DIP2A: variants seen among roughly 807,000 people sequenced by gnomAD.
DIP2A encodes DIP2 acetate--CoA ligase A.
In DIP2A, 85 loss-of-function variants were observed where a neutral mutation model predicts 177.4. The ratio of observed to expected loss-of-function variants is 0.48; its 90% confidence interval spans 0.40 to 0.57. The LOEUF (loss-of-function observed/expected upper bound fraction) is 0.57. Ranked by LOEUF, DIP2A falls within the 20% of genes least tolerant of loss-of-function variation. The pLI is 0.00. For missense variants in DIP2A, 1,791 were observed against 2,100.2 expected (o/e 0.85, Z 2.88); for synonymous variants, 886 against 881.8 (o/e 1.00, Z -0.08).
chr21:46,470,640 G>A (rs189590379), intron 1 of DIP2A, among the ~76,000 whole-genome samples: 22 of 151,178 alleles, frequency 1.5e-4, no homozygotes, highest in African/African-American at 4.6e-4. Flanking sequence ...GTGTGGTGGC[G>A]CATGCCTGTA....
intron 1 of DIP2A, among the ~76,000 whole-genome samples, chr21:46,479,944 G>T (rs180914252): frequency 6.6e-6 from 1 of 152,088 alleles, no homozygotes; most frequent in African/African-American, 2.4e-5. Flanking sequence ...AAATCTCTAC[G>T]TGCTTATATT....
intron 1 of DIP2A, among the ~76,000 whole-genome samples, chr21:46,471,906 G>A (rs1183286925): frequency 6.6e-6 from 1 of 152,152 alleles, no homozygotes; most frequent in Non-Finnish European, 1.5e-5. Flanking sequence ...CATAATTTAA[G>A]AGTACCATTT....
chr21:46,535,828 G>T (rs899073764), intron 13 of DIP2A, among the ~76,000 whole-genome samples: 1 of 152,182 alleles, frequency 6.6e-6, no homozygotes, highest in Non-Finnish European at 1.5e-5. Context: ...TATAGTCCCA[G>T]CTACTCGGGA....
intron 8 of DIP2A, among the ~76,000 whole-genome samples, chr21:46,517,401 G>T (rs1038800627): frequency 6.6e-6 from 1 of 151,970 alleles, no homozygotes; most frequent in Non-Finnish European, 1.5e-5. Flanking sequence ...ATTGTATGTT[G>T]TGTATAAAAA....
chr21:46,473,965 T>A (rs1426487586), intron 1 of DIP2A, among the ~76,000 whole-genome samples: 1 of 152,222 alleles, frequency 6.6e-6, no homozygotes, highest in Non-Finnish European at 1.5e-5. Flanking sequence ...TTTAGAAAGA[T>A]TGTTCTGCAG....
intron 1 of DIP2A, among the ~76,000 whole-genome samples, chr21:46,464,844 T>TTTTTTTTTTTTTTTTTTTTTTTTTTTCC (rs58546395): frequency 1.8e-5 from 2 of 111,218 alleles, no homozygotes; most frequent in African/African-American, 8.4e-5. Context: ...TTTTTTTTTT[T>TTTTTTTTTTTTTTTTTTTTTTTTTTTCC]CAAGAAAACA....
chr21:46,459,363 C>T, intron 1 of DIP2A, 141 bp downstream of exon 1: 3 of 629,230 alleles, frequency 4.8e-6, no homozygotes, highest in Non-Finnish European at 7.6e-6. Context: ...CGGCCTCGCC[C>T]CTGGGACCTC....
At position 46,473,716 on chromosome 21, in the gene DIP2A, A is replaced by T. The variant is rs565001516; in HGVS notation, c.92-11041A>T. Among the ~76,000 whole-genome samples, 4 of 152,120 alleles carry T rather than the reference A, an allele frequency of 2.6e-5. No homozygotes were observed. In the South Asian group the frequency reaches 6.2e-4, roughly 24 times the overall value. Reference sequence around the variant, plus strand: ...TTTTTAGTAAAGATGGGGTTTCACCATGTTGGCCAGGCTGGTCTCGAACTC... The same window carrying T: ...TTTTTAGTAAAGATGGGGTTTCACCTTGTTGGCCAGGCTGGTCTCGAACTC... On this transcript the variant is annotated intron_variant, in intron 1 of 37. Transcript: ENST00000417564.
At chr21:46,465,483 A>G (rs951618112) in intron 1 of DIP2A, among the ~76,000 whole-genome samples, 5 of 152,198 alleles carry the variant, frequency 3.3e-5, no homozygotes, top group Non-Finnish European at 5.9e-5. Flanking sequence ...CTGAGGCAGG[A>G]GAATCGCTCA....
At chr21:46,510,623 T>G (rs2058261108) in intron 7 of DIP2A, among the ~76,000 whole-genome samples, 1 of 124,406 alleles carries the variant, frequency 8.0e-6, no homozygotes, top group Non-Finnish European at 1.6e-5. Context: ...TATAATCAAA[T>G]AATCTTTTTT....
At position 46,545,220 on chromosome 21, in the gene DIP2A, G is replaced by A. The variant is rs1234399838; in HGVS notation, c.2260G>A (p.Ala754Thr). ...GGGAGAAATATGCGTCAGTTCCAGT[G>A]CAACTGGCACAGCGTACTATGGATT... ...EVGEICVSSS[A>T]TGTAYYGLLG... is the part of the protein sequence containing the mutation. Residue 754 changes from alanine to threonine, a missense_variant, in exon 19 of 38, where the codon GCA becomes ACA. Coordinates refer to ENST00000417564, the MANE Select transcript of DIP2A (RefSeq NM_015151.4). 6.2e-7 allele frequency: 1 copy of A among 1,609,776 alleles called. No individual in the cohort carries two copies. Among genetic ancestry groups the A allele is most frequent in the Non-Finnish European group, 8.5e-7 (1 of 1,176,458 alleles).
chr21:46,516,488 CTTTTTTTTTT>C (rs1158910021), intron 8 of DIP2A, among the ~76,000 whole-genome samples: 3 of 76,366 alleles, frequency 3.9e-5, no homozygotes, highest in Admixed American at 3.0e-4. Context: ...TCTGAAATTT[CTTTTTTTTTT>C]TTTTTTTTTT....
chr21:46,502,349 C>T (rs555043675), intron 5 of DIP2A, among the ~76,000 whole-genome samples: 71 of 150,766 alleles, frequency 4.7e-4, no homozygotes, highest in Admixed American at 7.9e-4. Context: ...CCAGGCTGAT[C>T]TCAAATTCCT....
At chr21:46,462,608 A>G (rs907524700) in intron 1 of DIP2A, 1 of 152,236 alleles carries the variant, frequency 6.6e-6, no homozygotes, top group African/African-American at 2.4e-5. Context: ...TTTCATTGTT[A>G]TAATTTTTAT....
At position 46,569,895 on chromosome 21, in the gene DIP2A, G is replaced by A. The variant is rs2060933254; in HGVS notation, c.*2273G>A. 1 of 151,902 alleles carries A rather than the reference G, an allele frequency of 6.6e-6. No individual in the cohort carries two copies. Among genetic ancestry groups the A allele is most frequent in the Non-Finnish European group, 1.5e-5 (1 of 68,016 alleles). The allele number at this position is 151,902 out of a possible 1,614,324, so 9.4% of individuals were successfully genotyped here. On this transcript the variant is annotated 3_prime_UTR_variant, in exon 38 of 38. Coordinates refer to ENST00000417564, the MANE Select transcript of DIP2A (RefSeq NM_015151.4). ...TCTGAGTAAACAGCAGCATTCGTAT[G>A]TAACATAAACCCTCTCAGGGATTTA... is the stretch of plus-strand genomic sequence containing the variant.
At position 46,459,186 on chromosome 21, in the gene DIP2A, G is replaced by A; in HGVS notation, c.55G>A (p.Glu19Lys). Residue 19 changes from glutamate (E) to lysine (K), a missense_variant, in exon 1 of 38, where the codon GAG (glutamate) becomes AAG (lysine). Transcript: ENST00000417564. ...EAAPLPAEVR[E>K]SLAELELELS... is the part of the protein sequence containing the mutation. ...GGCGCCGCTGCCTGCCGAGGTGCGG[G>A]AGAGCCTGGCTGAGCTGGAGCTGGA... 1.3e-6 allele frequency: 2 copies of A among 1,525,476 alleles called. No homozygotes were observed. The highest frequency in any genetic ancestry group is 8.8e-7 in the Non-Finnish European group (1 of 1,137,028). The allele number at this position is 1,525,476 out of a possible 1,614,324, so 94.5% of individuals were successfully genotyped here. A position where few individuals can be genotyped will look rare whatever the true frequency, so the allele number is the denominator to read the frequency against.
At chr21:46,581,941 TAAAG>T in the DIP2A span, among the ~76,000 whole-genome samples, 1 of 152,178 alleles carries the variant, frequency 6.6e-6, no homozygotes, top group African/African-American at 2.4e-5. Flanking sequence ...GAGGCCTGCT[TAAAG>T]AAGCAGTCTG....
rs1266358797 is a variant in DIP2A, at chr21:46,556,880, C to G, written c.3499-59C>G. ...GTGAACAGCGGACACTGCCATCCAC[C>G]CTCTCCCCTCCTGAATTTCATTTCA... On this transcript the variant is annotated intron_variant, in intron 29 of 37. Transcript: ENST00000417564. The surrounding 1 kb of genome is among the most constrained non-coding windows in gnomAD (Gnocchi z 4.5). The G allele has an allele frequency of 2.1e-6, 3 of 1,440,724 alleles. No individual in the cohort carries two copies. Among genetic ancestry groups the G allele is most frequent in the Non-Finnish European group, 2.8e-6 (3 of 1,075,130 alleles). The allele number at this position is 1,440,724 out of a possible 1,614,324, so 89.2% of individuals were successfully genotyped here. A position where few individuals can be genotyped will look rare whatever the true frequency, so the allele number is the denominator to read the frequency against.
Position 46,551,626 on chromosome 21 carries a change from G to A in DIP2A, c.2840-8G>A, listed in dbSNP as rs2255526. 0.72 allele frequency: 1,153,449 copies of A among 1,611,488 alleles called. 414,457 individuals carry two copies. Among genetic ancestry groups the A allele is most frequent in the African/African-American group, 0.87 (65,403 of 74,960 alleles). ...CCAGCTTTTCATTCAGAGTTCCCCC[G>A]TTTCTAGAGGTTGGACCAGCCTCAA... On this transcript the variant is annotated splice_polypyrimidine_tract_variant and splice_region_variant and intron_variant, in intron 23 of 37. Coordinates refer to ENST00000417564, the MANE Select transcript of DIP2A (RefSeq NM_015151.4).
Sources: gnomAD v4.1 joint callset for allele counts (sites outside exome capture counted in the v4.1 genomes callset) on GRCh38, gnomAD v4.1.1 for gene constraint, Gnocchi (gnomAD v3.1) non-coding constraint, MANE v1.5 for transcripts, NCBI Gene and HGNC (gene_info 2026-07-23, HGNC 2026-07-21) for gene names.